Variants in STK3 observed in about 807,000 individuals in gnomAD.
STK3 encodes serine/threonine-protein kinase 3.
In STK3, 41 loss-of-function variants were observed where a neutral mutation model predicts 58.0. The ratio of observed to expected loss-of-function variants is 0.71; its 90% CI spans 0.55 to 0.92. The LOEUF (loss-of-function observed/expected upper bound fraction) is 0.92, where lower values mean the gene tolerates loss of function less well. STK3 is among the 40% of genes least tolerant of loss of function. STK3 has a pLI of 0.00. For synonymous variants in STK3, 170 were observed against 191.0 expected, an observed-to-expected ratio of 0.89 and a Z score of 0.91; for missense variants, 479 against 602.7, an observed-to-expected ratio of 0.79 and a Z score of 2.15.
At chr8:98,451,540 GA>G (rs1303011594), downstream of STK3, among the ~76,000 whole-genome samples, 1 of 152,182 alleles carries the variant, frequency 6.6e-6, no homozygotes, top group Non-Finnish European at 1.5e-5. Context: ...ATCAAGTGAA[GA>G]AAGTGGTGGC....
intron 9 of STK3, among the ~76,000 whole-genome samples, chr8:98,544,071 A>G (rs978713584): frequency 7.2e-5 from 11 of 152,304 alleles, no homozygotes; most frequent in African/African-American, 2.4e-4. Context: ...TATAGCCTCT[A>G]AGAGGAGTTT....
intron 1 of STK3, among the ~76,000 whole-genome samples, chr8:98,916,152 C>T (rs1241038527): frequency 2.0e-5 from 3 of 152,154 alleles, no homozygotes; most frequent in African/African-American, 4.8e-5. Flanking sequence ...TGGTGGCTCA[C>T]GCCTGTAATC....
intron 1 of STK3, among the ~76,000 whole-genome samples, chr8:98,788,729 T>G (rs898154379): frequency 3.9e-5 from 6 of 152,050 alleles, no homozygotes; most frequent in African/African-American, 1.4e-4. Context: ...CAATCCTAAA[T>G]ATATATGCAC....
At chr8:98,905,215 G>T in intron 1 of STK3, 1 of 930,330 alleles carries the variant, frequency 1.1e-6, no homozygotes, top group Non-Finnish European at 1.8e-6. Flanking sequence ...GCAGTCCGAA[G>T]TCGGGCTTGT....
chr8:98,700,889 A>T (rs1264699700), intron 6 of STK3, among the ~76,000 whole-genome samples: 1 of 152,100 alleles, frequency 6.6e-6, no homozygotes, highest in East Asian at 1.9e-4. Context: ...TGTACTCCCA[A>T]CTACTCAGGA....
chr8:98,413,260 C>A, intron 3 of STK3: 1 of 365,138 alleles, frequency 2.7e-6, no homozygotes, highest in East Asian at 6.8e-5. Flanking sequence ...AGTGATCCAC[C>A]TGCCTTGGCT....
chr8:98,407,582 G>T (rs962202335), intron 3 of STK3, among the ~76,000 whole-genome samples: 8 of 152,176 alleles, frequency 5.3e-5, no homozygotes, highest in African/African-American at 1.7e-4. Context: ...GTGGAGAGAG[G>T]GTGGGGATAT....
At chr8:98,578,260 T>G (rs577339912) in intron 8 of STK3, among the ~76,000 whole-genome samples, 1 of 152,240 alleles carries the variant, frequency 6.6e-6, no homozygotes, top group Non-Finnish European at 1.5e-5. Context: ...TCTTTACATC[T>G]CCCATATCAC....
chr8:98,515,337 T>C (rs1453701111), intron 10 of STK3, among the ~76,000 whole-genome samples: 6 of 152,124 alleles, frequency 3.9e-5, no homozygotes, highest in Non-Finnish European at 8.8e-5. Flanking sequence ...TCATATCCAA[T>C]ACTAGTCTGT....
intron 3 of STK3, among the ~76,000 whole-genome samples, chr8:98,834,187 C>T (rs547542088): frequency 6.1e-4 from 93 of 152,274 alleles, no homozygotes; most frequent in Admixed American, 1.4e-3. Flanking sequence ...CAATGTATAG[C>T]AAATCAATAG....
At chr8:98,855,832 C>T (rs150627452) in intron 3 of STK3, among the ~76,000 whole-genome samples, 39 of 151,936 alleles carry the variant, frequency 2.6e-4, no homozygotes, top group Non-Finnish European at 3.2e-4. Flanking sequence ...ACAAGCTTGG[C>T]CAAAATGATG....
chr8:98,485,085 CA>C (rs1474353531), intron 10 of STK3, among the ~76,000 whole-genome samples: 1 of 151,920 alleles, frequency 6.6e-6, no homozygotes, highest in Non-Finnish European at 1.5e-5. Flanking sequence ...ACTAAAAATA[CA>C]AAAAATTAGC....
intron 6 of STK3, 75 bp from the exon 7 acceptor site, chr8:98,596,244 T>C: frequency 6.8e-7 from 1 of 1,464,326 alleles, no homozygotes; most frequent in East Asian, 2.4e-5. Context: ...TCTTTATCTG[T>C]CTTTTTATCA....
intron 1 of STK3, chr8:98,439,088 C>T (rs766914870): frequency 6.6e-6 from 1 of 152,136 alleles, no homozygotes; most frequent in East Asian, 1.9e-4. Flanking sequence ...CTCACTGCAT[C>T]CAATGCTTTT....
intron 1 of STK3, chr8:98,906,630 T>A (rs1838913182): frequency 6.6e-6 from 1 of 152,256 alleles, no homozygotes; most frequent in Admixed American, 6.5e-5. Flanking sequence ...TAGTTTAAAA[T>A]GCATATACAA....
chr8:98,768,761 C>T (rs950302137), intron 2 of STK3, among the ~76,000 whole-genome samples: 1 of 152,230 alleles, frequency 6.6e-6, no homozygotes, highest in African/African-American at 2.4e-5. Context: ...CATTAAAAGT[C>T]TGCCAGTGAG....
chr8:98,939,494 T>C (rs1840320258), intron 1 of STK3, among the ~76,000 whole-genome samples: 1 of 152,224 alleles, frequency 6.6e-6, no homozygotes, highest in Non-Finnish European at 1.5e-5. Context: ...AACTCGGACC[T>C]ATCCCAGCGT....
chr8:98,406,322 A>C (rs139793658), intron 3 of STK3, among the ~76,000 whole-genome samples: 2 of 151,584 alleles, frequency 1.3e-5, no homozygotes, highest in Non-Finnish European at 2.9e-5. Context: ...TCTTAGGTTC[A>C]GGGGGTACAC....
At chr8:98,871,153 T>C (rs1374008766) in intron 3 of STK3, among the ~76,000 whole-genome samples, 1 of 152,214 alleles carries the variant, frequency 6.6e-6, no homozygotes, top group Non-Finnish European at 1.5e-5. Flanking sequence ...CAGATGGTTG[T>C]AGATGTGTGG....
Sources: gnomAD v4.1 joint callset for allele counts (sites outside exome capture counted in the v4.1 genomes callset) on GRCh38, gnomAD v4.1.1 for gene constraint, MANE v1.5 for transcripts, NCBI Gene and HGNC (gene_info 2026-07-23, HGNC 2026-07-21) for gene names.